The following MGAT4C variants were observed in gnomAD, a reference collection of about 807,000 sequenced individuals.
The protein encoded by MGAT4C is MGAT4 family member C, also known as alpha-1,3-mannosyl-glycoprotein 4-beta-N-acetylglucosaminyltransferase C.
A neutral mutation model predicts 40.1 loss-of-function variants in MGAT4C; 19 were observed. The ratio of observed to expected loss-of-function variants is 0.47; its 90% confidence interval spans 0.33 to 0.70. The LOEUF (loss-of-function observed/expected upper bound fraction) is 0.70. Among genes scored for constraint, MGAT4C ranks in the 30% least tolerant of loss-of-function variants. MGAT4C has a pLI of 0.02. For missense variants in MGAT4C, 491 were observed against 563.2 expected, an observed-to-expected ratio of 0.87 and a Z score of 1.30; for synonymous variants, 181 against 187.1, an observed-to-expected ratio of 0.97 and a Z score of 0.27.
At chr12:86,460,297 G>T (rs1957578910) in intron 2 of MGAT4C, among the ~76,000 whole-genome samples, 1 of 152,192 alleles carries the variant, frequency 6.6e-6, no homozygotes, top group African/African-American at 2.4e-5. Context: ...CACAGCAGAT[G>T]ATTAGGCAAA....
At chr12:86,220,783 T>C (rs1292992754) in intron 1 of MGAT4C, among the ~76,000 whole-genome samples, 2 of 152,180 alleles carry the variant, frequency 1.3e-5, no homozygotes, top group African/African-American at 2.4e-5. Context: ...AAACTGAACA[T>C]TGGTCTACAC....
intron 2 of MGAT4C, among the ~76,000 whole-genome samples, chr12:86,713,425 TC>T (rs1950593643): frequency 6.6e-6 from 1 of 152,112 alleles, no homozygotes; most frequent in African/African-American, 2.4e-5. Flanking sequence ...TATTCATTCA[TC>T]TTTTTGGGTT....
intron 1 of MGAT4C, among the ~76,000 whole-genome samples, chr12:86,761,931 T>C (rs986549406): frequency 5.9e-5 from 9 of 152,128 alleles, no homozygotes; most frequent in African/African-American, 2.2e-4. Flanking sequence ...ATATTCATAG[T>C]TTCTTGGGAT....
intron 1 of MGAT4C, among the ~76,000 whole-genome samples, chr12:86,225,817 A>T (rs1168695127): frequency 6.6e-6 from 1 of 152,126 alleles, no homozygotes; most frequent in East Asian, 1.9e-4. Context: ...GCCAAATATG[A>T]CACACCCACA....
At chr12:86,470,321 TC>T (rs1957740608) in intron 2 of MGAT4C, among the ~76,000 whole-genome samples, 1 of 152,140 alleles carries the variant, frequency 6.6e-6, no homozygotes, top group African/African-American at 2.4e-5. Flanking sequence ...TTCTCTCTCT[TC>T]CCTTTTTTTA....
intron 1 of MGAT4C, among the ~76,000 whole-genome samples, chr12:86,738,989 G>T (rs1951025097): frequency 6.6e-6 from 1 of 150,414 alleles, no homozygotes. Flanking sequence ...GAAGATTTTT[G>T]GTGTAGTAAG....
intron 1 of MGAT4C, among the ~76,000 whole-genome samples, chr12:86,054,144 A>G (rs533440327): frequency 6.6e-5 from 10 of 152,194 alleles, no homozygotes; most frequent in Non-Finnish European, 1.2e-4. Context: ...CTGCACTCCC[A>G]TGTTTATTGC....
intron 1 of MGAT4C, among the ~76,000 whole-genome samples, chr12:86,765,099 A>G (rs1368904707): frequency 6.6e-6 from 1 of 152,192 alleles, no homozygotes. Context: ...ACCAAAGGCA[A>G]AGAAGTTAAA....
At chr12:86,311,573 C>T (rs1954074068) in intron 4 of MGAT4C, among the ~76,000 whole-genome samples, 1 of 152,118 alleles carries the variant, frequency 6.6e-6, no homozygotes, top group African/African-American at 2.4e-5. Context: ...ATAGGTCCTG[C>T]ACACAGAGCT....
rs61385007 is a variant in MGAT4C at position 86,332,435 on chromosome 12, A to G, written c.-57+1630T>C. Among the ~76,000 whole-genome samples, 943 of 152,028 alleles carry G rather than the reference A, an allele frequency of 6.2e-3. 7 individuals are homozygous for G. Among genetic ancestry groups the G allele is most frequent in the Non-Finnish European group, 8.7e-3 (592 of 67,982 alleles). On this transcript the variant is annotated intron_variant, in intron 4 of 7. Coordinates refer to the MGAT4C transcript ENST00000548651. ...AAGTATCTCTCAAAAAAAAAGAAAAAAAAAGCCCCAAATCTCTCAAGTCAC... is the reference window on the plus strand; with the variant it reads ...AAGTATCTCTCAAAAAAAAAGAAAAGAAAAGCCCCAAATCTCTCAAGTCAC...
Position 86,203,972 on chromosome 12 carries a change from A to AG in MGAT4C, c.-57+52266dup, listed in dbSNP as rs1950151868. Among the ~76,000 whole-genome samples, 4 of 146,656 alleles carry AG rather than the reference A, an allele frequency of 2.7e-5. No individual in the cohort carries two copies. The Admixed American group carries it at 2.7e-4, about 10-fold the overall frequency. On this transcript the variant is annotated intron_variant, in intron 1 of 4. Transcript: ENST00000611864. ...AACTTCGTCTCAAAAAAAAAAAAAA[A>AG]GAAATATATATATATATATATGCCT... is the stretch of plus-strand genomic sequence containing the variant.
chr12:86,275,494 G>A (rs1022281887), intron 4 of MGAT4C, among the ~76,000 whole-genome samples: 3 of 152,240 alleles, frequency 2.0e-5, no homozygotes, highest in Non-Finnish European at 4.4e-5. Context: ...CTTAATCCCC[G>A]GAACCTGGGA....
chr12:86,550,153 C>G (rs1199515750), intron 2 of MGAT4C, among the ~76,000 whole-genome samples: 2 of 152,144 alleles, frequency 1.3e-5, no homozygotes, highest in Non-Finnish European at 2.9e-5. Context: ...GAAATAGGTA[C>G]TTGTTTCTTC....
At chr12:86,703,702 G>A (rs1950403713) in intron 2 of MGAT4C, among the ~76,000 whole-genome samples, 1 of 152,090 alleles carries the variant, frequency 6.6e-6, no homozygotes, top group Non-Finnish European at 1.5e-5. Flanking sequence ...TCTTTATTGT[G>A]ATATTCACTT....
chr12:86,122,334 CAT>C (rs982599268), intron 1 of MGAT4C, among the ~76,000 whole-genome samples: 6 of 152,112 alleles, frequency 3.9e-5, no homozygotes, highest in African/African-American at 7.2e-5. Flanking sequence ...AACATCCTAA[CAT>C]GTAAAATCTA....
chr12:86,093,716 T>C (rs1873331099), intron 1 of MGAT4C, among the ~76,000 whole-genome samples: 1 of 149,436 alleles, frequency 6.7e-6, no homozygotes, highest in Non-Finnish European at 1.5e-5. Context: ...CAAGGCAGAG[T>C]GAGACTCCGT....
At chr12:86,788,001 G>T (rs564206329) in intron 1 of MGAT4C, among the ~76,000 whole-genome samples, 1 of 152,098 alleles carries the variant, frequency 6.6e-6, no homozygotes, top group South Asian at 2.1e-4. Flanking sequence ...GTCATGGATA[G>T]ATAACAGAAG....
chr12:86,410,329 G>A (rs80160987), intron 3 of MGAT4C, among the ~76,000 whole-genome samples: 2 of 152,186 alleles, frequency 1.3e-5, no homozygotes, highest in African/African-American at 4.8e-5. Context: ...GACACTCCCA[G>A]AGCGGCCATT....
chr12:86,251,690 G>A (rs941504950), intron 1 of MGAT4C, among the ~76,000 whole-genome samples: 3 of 151,902 alleles, frequency 2.0e-5, no homozygotes, highest in Non-Finnish European at 4.4e-5. Context: ...GCACAAATAT[G>A]TATACTCAGT....
Sources: gnomAD v4.1 joint callset for allele counts (sites outside exome capture counted in the v4.1 genomes callset) on GRCh38, gnomAD v4.1.1 for gene constraint, MANE v1.5 for transcripts, NCBI Gene and HGNC (gene_info 2026-07-23, HGNC 2026-07-21) for gene names.